The following PRKD1 variants were observed in gnomAD, a reference collection of about 807,000 sequenced individuals.
PRKD1 encodes the protein serine/threonine-protein kinase D1.
In PRKD1, 63 loss-of-function variants were observed where a neutral mutation model predicts 95.9. The ratio of observed to expected loss-of-function variants is 0.66; its 90% confidence interval spans 0.54 to 0.81. The LOEUF (loss-of-function observed/expected upper bound fraction) is 0.81, where lower values mean the gene tolerates loss of function less well. Ranked by LOEUF, PRKD1 falls within the 30% of genes least tolerant of loss-of-function variation. The pLI, the probability that PRKD1 is intolerant of heterozygous loss-of-function variation, is 0.00. For missense variants in PRKD1, 1,048 were observed against 1,165.3 expected (o/e 0.90, Z 1.47); for synonymous variants, 425 against 423.1 (o/e 1.00, Z -0.05).
chr14:29,671,272 G>T (rs956385008), intron 2 of PRKD1, among the ~76,000 whole-genome samples: 1 of 152,080 alleles, frequency 6.6e-6, no homozygotes, highest in African/African-American at 2.4e-5. Context: ...TGTTGTGACT[G>T]CCCAGGGAAC....
In PRKD1 at chr14:29,580,010, C is replaced by T. The variant is rs1012584949; in HGVS notation, c.2435-1650G>A. Among the ~76,000 whole-genome samples the T allele has an allele frequency of 5.3e-5, 8 of 152,112 alleles. No homozygotes were observed. In the East Asian group the frequency reaches 5.8e-4, roughly 11 times the overall value. ...CCATTCTTGCTGCTGTGAAGTCACC[C>T]GGCAAAAATGGAGGACAAGGAGTGA... On this transcript the variant is annotated intron_variant, in intron 16 of 17. Transcript: ENST00000331968.
At chr14:29,807,947 C>T (rs1398044490) in intron 1 of PRKD1, among the ~76,000 whole-genome samples, 2 of 152,066 alleles carry the variant, frequency 1.3e-5, no homozygotes, top group African/African-American at 4.8e-5. Flanking sequence ...GTCTCGAACT[C>T]CTAGCCTCAA....
chr14:29,640,091 C>T (rs774593767), intron 4 of PRKD1, among the ~76,000 whole-genome samples: 3 of 152,274 alleles, frequency 2.0e-5, no homozygotes, highest in Middle Eastern at 6.8e-3. Flanking sequence ...TAAGTTCCTA[C>T]TCTAGAGCAA....
intron 2 of PRKD1, among the ~76,000 whole-genome samples, chr14:29,705,376 A>G (rs1001742116): frequency 6.6e-6 from 1 of 151,920 alleles, no homozygotes; most frequent in Non-Finnish European, 1.5e-5. Context: ...AAAGGCAAAA[A>G]CTGCAATTAC....
At chr14:29,909,682 G>A (rs1894633266) in intron 1 of PRKD1, among the ~76,000 whole-genome samples, 1 of 152,160 alleles carries the variant, frequency 6.6e-6, no homozygotes, top group African/African-American at 2.4e-5. Flanking sequence ...CTCAAGGTTT[G>A]TAAATACACC....
chr14:29,714,081 C>T (rs977559222), intron 2 of PRKD1, among the ~76,000 whole-genome samples: 5 of 152,126 alleles, frequency 3.3e-5, no homozygotes, highest in African/African-American at 1.2e-4. Context: ...TATTGACTTA[C>T]ACCAGTATTA....
chr14:29,606,889 A>G (rs1878015414), intron 13 of PRKD1, among the ~76,000 whole-genome samples: 1 of 152,202 alleles, frequency 6.6e-6, no homozygotes, highest in Admixed American at 6.5e-5. Flanking sequence ...GCTTAATTTC[A>G]GGAGCAAGTT....
intron 16 of PRKD1, among the ~76,000 whole-genome samples, chr14:29,594,875 A>C (rs1893246557): frequency 6.6e-6 from 1 of 152,186 alleles, no homozygotes; most frequent in South Asian, 2.1e-4. Flanking sequence ...AGATAATGGG[A>C]TAGAACCTGG....
In PRKD1 at chr14:29,636,312, C is replaced by T. The variant is rs143477228; in HGVS notation, c.1168G>A (p.Glu390Lys). Residue 390 changes from glutamate (E) to lysine (K), a missense_variant, in exon 7 of 18, where the codon GAG becomes AAG. This residue lies in a region of PRKD1 where 739 missense variants were observed against 861.9 expected (regional missense o/e 0.86). Coordinates refer to ENST00000331968, the MANE Select transcript of PRKD1 (RefSeq NM_002742.3). ...GEMQDPDPDH[E>K]DANRTISPST... ...CACCTGATGGTTCTGTTGGCGTCCT[C>T]GTGGTCTGGGTCTGGATCTTGCATC... is the stretch of plus-strand genomic sequence containing the variant. The T allele has an allele frequency of 2.9e-5, 47 of 1,614,206 alleles. No individual in the cohort carries two copies. The highest frequency in any genetic ancestry group is 1.9e-4 in the African/African-American group (14 of 75,054).
In PRKD1 at chr14:29,699,568, T is replaced by C. The variant is rs116768943; in HGVS notation, c.403+25968A>G. Among the ~76,000 whole-genome samples, 1,132 of 152,328 alleles carry C rather than the reference T, an allele frequency of 7.4e-3. 11 individuals carry two copies. Among genetic ancestry groups the C allele is most frequent in the African/African-American group, 0.025 (1,037 of 41,580 alleles). On this transcript the variant is annotated intron_variant, in intron 2 of 17. Transcript: ENST00000331968. ...TCTTAATTGTTAATCCTTTGCCTTT[T>C]ATGGCAAAGTTTTCTCCAATTCTTA...
At chr14:29,741,533 C>T (rs148916487) in intron 1 of PRKD1, among the ~76,000 whole-genome samples, 8 of 152,172 alleles carry the variant, frequency 5.3e-5, no homozygotes, top group South Asian at 4.2e-4. Flanking sequence ...TATATATGTT[C>T]GTTGTTGTTA....
intron 1 of PRKD1, among the ~76,000 whole-genome samples, chr14:29,798,578 T>C (rs1889906894): frequency 1.3e-5 from 2 of 152,136 alleles, no homozygotes; most frequent in Admixed American, 6.5e-5. Flanking sequence ...TTATTGCCCA[T>C]GTTAATTTCT....
At chr14:29,816,359 C>CA (rs1281064562) in intron 1 of PRKD1, among the ~76,000 whole-genome samples, 10 of 152,050 alleles carry the variant, frequency 6.6e-5, no homozygotes, top group Non-Finnish European at 1.2e-4. Context: ...CAACAATGCC[C>CA]AAAAAAGCAA....
chr14:29,781,467 T>A (rs1889041799), intron 1 of PRKD1, among the ~76,000 whole-genome samples: 1 of 152,186 alleles, frequency 6.6e-6, no homozygotes. Flanking sequence ...CAGCTACCAC[T>A]GCTTTTACTG....
rs529403574 is a variant in PRKD1, at chr14:29,905,059, C to T, written c.264+22190G>A. On this transcript the variant is annotated intron_variant, in intron 1 of 17. Coordinates refer to ENST00000331968, the MANE Select transcript of PRKD1 (RefSeq NM_002742.3). ...GTACACCACAACGGGAATTACTGGA[C>T]TGTGGTCTGCCAAATACATACCAAT... Among the ~76,000 whole-genome samples the T allele has an allele frequency of 3.0e-3, 455 of 152,304 alleles. 10 individuals carry two copies. Among genetic ancestry groups the T allele is most frequent in the Non-Finnish European group, 6.6e-4 (45 of 68,030 alleles).
chr14:29,694,587 C>A (rs992990037), intron 2 of PRKD1, among the ~76,000 whole-genome samples: 7 of 152,170 alleles, frequency 4.6e-5, no homozygotes, highest in African/African-American at 1.7e-4. Context: ...GTGAAGACTG[C>A]ATGCCACTGG....
At position 29,625,786 on chromosome 14, in the gene PRKD1, T is replaced by C. The variant is rs148639903; in HGVS notation, c.1798+698A>G. ...GTGATAAATAAAATTGAATGGGACA[T>C]TGTGATTATTTCAGAACACTAAACC... is the stretch of plus-strand genomic sequence containing the variant. On this transcript the variant is annotated intron_variant, in intron 12 of 17. Transcript: ENST00000331968. Among the ~76,000 whole-genome samples the C allele has an allele frequency of 5.0e-3, 755 of 152,192 alleles. 1 individual carries two copies. Among genetic ancestry groups the C allele is most frequent in the Non-Finnish European group, 8.5e-3 (581 of 67,998 alleles).
chr14:29,729,446 CT>C (rs1370041762), intron 1 of PRKD1, among the ~76,000 whole-genome samples: 3 of 152,000 alleles, frequency 2.0e-5, no homozygotes, highest in African/African-American at 7.2e-5. Flanking sequence ...TGTCAAATTT[CT>C]TGGCATAAAG....
chr14:29,677,447 C>T (rs1883296333), intron 2 of PRKD1, among the ~76,000 whole-genome samples: 1 of 152,172 alleles, frequency 6.6e-6, no homozygotes, highest in Admixed American at 6.5e-5. Context: ...ATATCAACTG[C>T]AAATAAGTAT....
Sources: allele counts gnomAD v4.1 joint callset (sites outside exome capture counted in the v4.1 genomes callset), GRCh38; gene constraint gnomAD v4.1.1; regional missense constraint gnomAD v4.1.1; transcripts MANE v1.5; gene names NCBI Gene and HGNC (gene_info 2026-07-23, HGNC 2026-07-21).